Variants in BLTP3B observed in about 807,000 individuals in gnomAD.
BLTP3B encodes the protein bridge-like lipid transfer protein family member 3B.
the BLTP3B span, among the ~76,000 whole-genome samples, chr12:100,038,331 A>G: frequency 6.6e-6 from 1 of 151,978 alleles, no homozygotes; most frequent in Non-Finnish European, 1.5e-5. Flanking sequence ...TGAATGTGTC[A>G]TCAGACATTT....
At chr12:100,108,290 T>C in the BLTP3B span, 6 of 1,290,698 alleles carry the variant, frequency 4.6e-6, no homozygotes, top group African/African-American at 9.1e-5. Context: ...TACACAATTA[T>C]CTAAAATTAA....
chr12:100,057,885 A>C, the BLTP3B span: 8 of 1,296,626 alleles, frequency 6.2e-6, no homozygotes, highest in Non-Finnish European at 8.3e-6. Context: ...AAGTGTTTTC[A>C]TATTTTGAAA....
chr12:100,102,722 T>A, the BLTP3B span: 3 of 1,163,000 alleles, frequency 2.6e-6, no homozygotes, highest in East Asian at 2.5e-5. Flanking sequence ...TTTTTTTTAA[T>A]GTCCTGTTAT....
chr12:100,132,274 C>T, the BLTP3B span, among the ~76,000 whole-genome samples: 1 of 152,154 alleles, frequency 6.6e-6, no homozygotes, highest in Non-Finnish European at 1.5e-5. Context: ...ATTATGTTTT[C>T]CCGCTAGAGT....
chr12:100,082,272 G>A, the BLTP3B span, among the ~76,000 whole-genome samples: 8 of 152,194 alleles, frequency 5.3e-5, no homozygotes, highest in Admixed American at 1.3e-4. Flanking sequence ...TTTGCTTGTC[G>A]ATTCAATTTC....
chr12:100,113,656 A>G, the BLTP3B span, among the ~76,000 whole-genome samples: 6 of 151,932 alleles, frequency 3.9e-5, no homozygotes, highest in Non-Finnish European at 7.4e-5. Flanking sequence ...AGTGTTCACT[A>G]TTATTAAGAC....
chr12:100,049,296 T>C, the BLTP3B span, among the ~76,000 whole-genome samples: 1 of 152,202 alleles, frequency 6.6e-6, no homozygotes, highest in African/African-American at 2.4e-5. Flanking sequence ...TTTCAGTTTC[T>C]GAGGTATGAA....
chr12:100,130,996 AGAGAGAGAGAGAG>A, the BLTP3B span, among the ~76,000 whole-genome samples: 158 of 106,878 alleles, frequency 1.5e-3, 1 homozygote, highest in African/African-American at 6.4e-3. Context: ...AGAGAGAGAG[AGAGAGAGAGAGAG>A]AGAGAGAGAG....
At chr12:100,081,419 C>T in the BLTP3B span, among the ~76,000 whole-genome samples, 1 of 152,074 alleles carries the variant, frequency 6.6e-6, no homozygotes, top group African/African-American at 2.4e-5. Context: ...TTTGTTCTTC[C>T]AACTTTTGCT....
chr12:100,110,197 C>A, the BLTP3B span, among the ~76,000 whole-genome samples: 1 of 152,112 alleles, frequency 6.6e-6, no homozygotes, highest in Admixed American at 6.6e-5. Flanking sequence ...TATTCACATG[C>A]CCTACTTGTC....
chr12:100,050,952 G>A, the BLTP3B span: 9 of 1,287,756 alleles, frequency 7.0e-6, no homozygotes, highest in Non-Finnish European at 9.4e-6. Context: ...AACAAAAGCT[G>A]CAAATTGAAT....
At chr12:100,110,163 A>G in the BLTP3B span, among the ~76,000 whole-genome samples, 1 of 152,228 alleles carries the variant, frequency 6.6e-6, no homozygotes, top group Admixed American at 6.5e-5. Context: ...GAAATTAAAT[A>G]TAAAGCAACA....
At chr12:100,080,249 C>A in the BLTP3B span, among the ~76,000 whole-genome samples, 4 of 152,156 alleles carry the variant, frequency 2.6e-5, no homozygotes, top group Admixed American at 6.5e-5. Context: ...GGAAAAGGTG[C>A]CAGCAGACAC....
chr12:100,039,961 CAACT>C, the BLTP3B span, among the ~76,000 whole-genome samples: 1 of 152,052 alleles, frequency 6.6e-6, no homozygotes, highest in Non-Finnish European at 1.5e-5. Flanking sequence ...CTGAAAAGAT[CAACT>C]AAATAAACTT....
chr12:100,038,661 C>G, the BLTP3B span, among the ~76,000 whole-genome samples: 1 of 152,062 alleles, frequency 6.6e-6, no homozygotes, highest in Non-Finnish European at 1.5e-5. Context: ...ATGGCCAATA[C>G]GTCTCCTCCA....
chr12:100,088,299 G>C, the BLTP3B span, among the ~76,000 whole-genome samples: 1 of 152,134 alleles, frequency 6.6e-6, no homozygotes, highest in Admixed American at 6.6e-5. Flanking sequence ...TTCTGGGCCA[G>C]GGATGCTCTC....
the BLTP3B span, among the ~76,000 whole-genome samples, chr12:100,048,767 A>AGTGTGTGTGTGTGTGTGTGTGT: frequency 8.9e-6 from 1 of 111,840 alleles, no homozygotes; most frequent in African/African-American, 3.7e-5. Context: ...AGAGAGTGAG[A>AGTGTGTGTGTGTGTGTGTGTGT]GTGAGTGTGT....
chr12:100,056,360 G>C, the BLTP3B span, among the ~76,000 whole-genome samples: 1 of 152,132 alleles, frequency 6.6e-6, no homozygotes, highest in African/African-American at 2.4e-5. Context: ...TACCCAGTCT[G>C]TGGTATTCTG....
the BLTP3B span, among the ~76,000 whole-genome samples, chr12:100,138,803 C>A: frequency 6.6e-6 from 1 of 152,194 alleles, no homozygotes; most frequent in Non-Finnish European, 1.5e-5. Context: ...ATTAAATATA[C>A]GTCCACTTTG....
Sources: allele counts gnomAD v4.1 joint callset (sites outside exome capture counted in the v4.1 genomes callset), GRCh38; gene constraint gnomAD v4.1.1; transcripts MANE v1.5; gene names NCBI Gene and HGNC (gene_info 2026-07-23, HGNC 2026-07-21).